Variants in SYN2 observed in about 807,000 individuals in gnomAD.
SYN2 encodes synapsin-2.
SYN2 carries 19 observed loss-of-function variants against 50.9 expected under a neutral mutation model. That is an observed-to-expected ratio of 0.37 (90% confidence interval 0.26 to 0.55). The LOEUF (loss-of-function observed/expected upper bound fraction) is 0.55, where lower values mean the gene tolerates loss of function less well. Among genes scored for constraint, SYN2 ranks in the 20% least tolerant of loss-of-function variants. SYN2 has a pLI of 0.81. For missense variants in SYN2, 587 were observed against 576.4 expected (o/e 1.02, Z -0.19); for synonymous variants, 255 against 224.9 (o/e 1.13, Z -1.20).
chr3:12,004,484 T>C lies in SYN2; in HGVS notation c.-68T>C. 2.4e-6 allele frequency: 1 copy of C among 414,620 alleles called. No homozygotes were observed. Among genetic ancestry groups the C allele is most frequent in the Non-Finnish European group, 4.7e-6 (1 of 214,692 alleles). 25.7% of individuals were successfully genotyped at this position (414,620 alleles called of 1,614,324 possible). ...CGCCTCAGTCGCCTCAATCTCGCCT[T>C]CCGCCCTCGCTCTCCCTCCGCGCCA... On this transcript the variant is annotated 5_prime_UTR_variant, in exon 1 of 13. Coordinates refer to ENST00000621198, the MANE Select transcript of SYN2 (RefSeq NM_133625.6).
chr3:12,048,713 T>C lies in SYN2; in HGVS notation c.377+43785T>C, dbSNP rs899933617. Among the ~76,000 whole-genome samples the C allele has an allele frequency of 6.6e-5, 10 of 152,296 alleles. 1 individual carries two copies. Among genetic ancestry groups the C allele is most frequent in the Admixed American group, 5.9e-4 (9 of 15,302 alleles). The stretch of plus-strand genomic sequence containing the variant: ...ATCTCATTTCATCCTCTCAGCAGTT[T>C]TATGAGGGTATATACTATATTTCCC... On this transcript the variant is annotated intron_variant, in intron 1 of 12. Transcript: ENST00000621198.
intron 1 of SYN2, among the ~76,000 whole-genome samples, chr3:12,087,881 C>G (rs547960721): frequency 6.6e-6 from 1 of 151,532 alleles, no homozygotes; most frequent in Non-Finnish European, 1.5e-5. Context: ...TATCTACATG[C>G]AAAAGAATGA....
chr3:12,175,851 A>G (rs1698053816), intron 10 of SYN2, among the ~76,000 whole-genome samples: 1 of 152,204 alleles, frequency 6.6e-6, no homozygotes, highest in East Asian at 1.9e-4. Flanking sequence ...GAAGGGGCAT[A>G]AGAAGCACTG....
At chr3:12,053,120 A>G (rs1251755979) in intron 1 of SYN2, among the ~76,000 whole-genome samples, 1 of 152,122 alleles carries the variant, frequency 6.6e-6, no homozygotes, top group African/African-American at 2.4e-5. Context: ...TTAGAGCTGG[A>G]AATAAGATTC....
chr3:12,141,606 TGCTGG>T (rs1310676990), intron 2 of SYN2, among the ~76,000 whole-genome samples: 6 of 152,218 alleles, frequency 3.9e-5, no homozygotes, highest in African/African-American at 1.4e-4. Context: ...GCACAAAGGA[TGCTGG>T]GCTGGGAGTT....
At chr3:12,168,170 T>C (rs367606349) in intron 8 of SYN2, among the ~76,000 whole-genome samples, 4 of 152,188 alleles carry the variant, frequency 2.6e-5, no homozygotes, top group East Asian at 3.9e-4. Context: ...TGAGAACTGC[T>C]TTGGGCCTGC....
chr3:12,167,420 A>G (rs1467686197), intron 8 of SYN2, 112 bp downstream of exon 8: 5 of 1,122,000 alleles, frequency 4.5e-6, no homozygotes, highest in Non-Finnish European at 6.5e-6. Flanking sequence ...CAAACCGGAC[A>G]GATAAAACAC....
chr3:12,166,185 AG>A, intron 7 of SYN2, among the ~76,000 whole-genome samples: 1 of 152,332 alleles, frequency 6.6e-6, no homozygotes, highest in East Asian at 1.9e-4. Flanking sequence ...GTCTGAAATC[AG>A]ATCTCTGGGG....
intron 1 of SYN2, among the ~76,000 whole-genome samples, chr3:12,129,475 A>C (rs111890970): frequency 0.014 from 2,160 of 152,284 alleles, 50 homozygotes; most frequent in African/African-American, 0.05. Context: ...TCTAAAATTC[A>C]CACTCTTTCC....
At chr3:12,167,153 C>G in intron 7 of SYN2, 81 bp from the exon 8 acceptor site, 1 of 1,448,398 alleles carries the variant, frequency 6.9e-7, no homozygotes, top group Non-Finnish European at 9.5e-7. Context: ...CAACAGTGAA[C>G]TAAAATTCTG....
At chr3:12,172,776 C>G (rs1697965816) in intron 10 of SYN2, among the ~76,000 whole-genome samples, 1 of 152,162 alleles carries the variant, frequency 6.6e-6, no homozygotes, top group Non-Finnish European at 1.5e-5. Context: ...CAAAGACACT[C>G]CTATCACTCC....
intron 1 of SYN2, among the ~76,000 whole-genome samples, chr3:12,087,260 T>G (rs1342380027): frequency 6.6e-6 from 1 of 152,186 alleles, no homozygotes; most frequent in Admixed American, 6.5e-5. Flanking sequence ...TTGGAGACAT[T>G]AATGTTGTTA....
intron 1 of SYN2, among the ~76,000 whole-genome samples, chr3:12,005,132 C>T (rs2125127140): frequency 6.6e-6 from 1 of 152,214 alleles, no homozygotes; most frequent in South Asian, 2.1e-4. Flanking sequence ...AAGGCGAACC[C>T]AAAGCTAAAA....
At chr3:12,010,019 C>T (rs536313610) in intron 1 of SYN2, among the ~76,000 whole-genome samples, 7 of 152,062 alleles carry the variant, frequency 4.6e-5, no homozygotes, top group Admixed American at 2.0e-4. Flanking sequence ...TTCTTGAACC[C>T]GAGAGATAGA....
chr3:12,136,292 C>G (rs528266254), intron 1 of SYN2, among the ~76,000 whole-genome samples: 2 of 152,334 alleles, frequency 1.3e-5, no homozygotes, highest in South Asian at 4.1e-4. Context: ...TCACAACCAC[C>G]TGTGAGCCAA....
chr3:12,092,140 C>G (rs746543524), intron 1 of SYN2, among the ~76,000 whole-genome samples: 1 of 152,034 alleles, frequency 6.6e-6, no homozygotes, highest in South Asian at 2.1e-4. Flanking sequence ...CATTTAAGGC[C>G]GATTATCAGA....
chr3:12,056,084 T>C (rs1559402090), intron 1 of SYN2, among the ~76,000 whole-genome samples: 1 of 152,074 alleles, frequency 6.6e-6, no homozygotes, highest in East Asian at 1.9e-4. Context: ...TCCAGGCTCT[T>C]GAACAGATCA....
At chr3:12,112,817 A>T (rs548917528) in intron 1 of SYN2, among the ~76,000 whole-genome samples, 9 of 152,124 alleles carry the variant, frequency 5.9e-5, no homozygotes, top group African/African-American at 1.4e-4. Context: ...GTGCACTTTT[A>T]AAAAAAATAA....
intron 11 of SYN2, chr3:12,184,462 G>A: frequency 1.0e-6 from 1 of 985,862 alleles, no homozygotes; most frequent in South Asian, 4.7e-5. Flanking sequence ...TTCTGCTCTT[G>A]GCCTCTCCTG....
Sources: allele counts gnomAD v4.1 joint callset (sites outside exome capture counted in the v4.1 genomes callset), GRCh38; gene constraint gnomAD v4.1.1; transcripts MANE v1.5; gene names NCBI Gene and HGNC (gene_info 2026-07-23, HGNC 2026-07-21).